Variants in CCDC102B observed in about 807,000 individuals in gnomAD.
CCDC102B encodes the protein coiled-coil domain containing 102B.
CCDC102B carries 75 observed loss-of-function variants against 57.4 expected under a neutral mutation model. The ratio of observed to expected loss-of-function variants is 1.31; its 90% CI spans 1.08 to 1.58. The LOEUF is 1.58. Among genes scored for constraint, CCDC102B ranks in the 40% most tolerant of loss-of-function variants. The pLI is 0.00. For missense variants in CCDC102B, 636 were observed against 582.6 expected (o/e 1.09, Z -0.94); for synonymous variants, 206 against 201.9 (o/e 1.02, Z -0.17).
intron 6 of CCDC102B, among the ~76,000 whole-genome samples, chr18:68,912,751 T>G (rs2040920486): frequency 6.6e-6 from 1 of 152,220 alleles, no homozygotes; most frequent in East Asian, 1.9e-4. Flanking sequence ...ATGCTTATTA[T>G]TTGATTTTGG....
intron 7 of CCDC102B, among the ~76,000 whole-genome samples, chr18:69,049,061 T>C (rs2145492929): frequency 6.6e-6 from 1 of 152,074 alleles, no homozygotes; most frequent in South Asian, 2.1e-4. Flanking sequence ...TTTATTATAC[T>C]TTAAGTTCTG....
chr18:69,054,733 G>A lies in CCDC102B; in HGVS notation c.*596G>A. The A allele has an allele frequency of 1.0e-6, 1 of 985,224 alleles. No homozygotes were observed. Among genetic ancestry groups the A allele is most frequent in the Non-Finnish European group, 1.2e-6 (1 of 829,818 alleles). 61.0% of individuals were successfully genotyped at this position (985,224 alleles called of 1,614,324 possible). A position where few individuals can be genotyped will look rare whatever the true frequency, so the allele number is the denominator to read the frequency against. On this transcript the variant is annotated 3_prime_UTR_variant, in exon 8 of 8. Coordinates refer to ENST00000360242, the MANE Select transcript of CCDC102B (RefSeq NM_024781.3). Reference sequence around the variant, plus strand: ...TATTTTAAAGTAACAGATAACCAGTGATTGAATCTAAGACAGGCTGTAAGC... The same window carrying A: ...TATTTTAAAGTAACAGATAACCAGTAATTGAATCTAAGACAGGCTGTAAGC...
At chr18:68,809,020 T>A (rs1243919457) in intron 1 of CCDC102B, among the ~76,000 whole-genome samples, 2 of 152,206 alleles carry the variant, frequency 1.3e-5, no homozygotes, top group Admixed American at 6.5e-5. Context: ...TAATCATGTG[T>A]TTTAAGAAAA....
chr18:68,765,238 G>A (rs1432955207), intron 2 of CCDC102B, among the ~76,000 whole-genome samples: 1 of 141,952 alleles, frequency 7.0e-6, no homozygotes, highest in Non-Finnish European at 1.5e-5. Context: ...GAAAGAAAGA[G>A]CGAAAAAGAG....
At chr18:69,051,322 C>G (rs2052700438) in intron 7 of CCDC102B, among the ~76,000 whole-genome samples, 1 of 151,770 alleles carries the variant, frequency 6.6e-6, no homozygotes, top group Non-Finnish European at 1.5e-5. Flanking sequence ...AAAATTAAAC[C>G]TCCTAAGAAG....
In CCDC102B at chr18:68,727,274, C is replaced by T. The variant is rs151253283; in HGVS notation, c.-67+10680C>T. Among the ~76,000 whole-genome samples, 1,293 of 152,226 alleles carry T rather than the reference C, an allele frequency of 8.5e-3. 22 individuals carry two copies. The highest frequency in any genetic ancestry group is 0.047 in the East Asian group (242 of 5,174). On this transcript the variant is annotated intron_variant, in intron 2 of 3. Coordinates refer to the CCDC102B transcript ENST00000578970. ...TCTGGCTAAAGCCCATAACCATGGT[C>T]AATAGTGACTTCTGTGTTTTTGGAA...
At chr18:69,037,716 G>C (rs2052332462) in intron 7 of CCDC102B, among the ~76,000 whole-genome samples, 1 of 149,210 alleles carries the variant, frequency 6.7e-6, no homozygotes, top group South Asian at 2.1e-4. Flanking sequence ...TTTGTATAGA[G>C]AAATAGAAAA....
Position 68,765,326 on chromosome 18 carries a change from AAAG to A in CCDC102B, c.-67+48735_-67+48737del, listed in dbSNP as rs1198303624. The stretch of plus-strand genomic sequence containing the variant: ...GAAGGAAGGAAGGAAGGAAGGAAGG[AAAG>A]AAAGAAAGAAAGAAAGAAAGAAAGA... On this transcript the variant is annotated intron_variant, in intron 2 of 3. Transcript: ENST00000578970. Among the ~76,000 whole-genome samples, 41 of 65,394 alleles carry A rather than the reference AAAG, an allele frequency of 6.3e-4. 2 individuals are homozygous for A. The highest frequency in any genetic ancestry group is 4.4e-3 in the South Asian group (8 of 1,812). The allele number at this position is 65,394 out of a possible 152,430, so 42.9% of individuals were successfully genotyped here.
At chr18:68,918,506 A>G (rs1189658046) in intron 6 of CCDC102B, among the ~76,000 whole-genome samples, 1 of 152,192 alleles carries the variant, frequency 6.6e-6, no homozygotes, top group African/African-American at 2.4e-5. Flanking sequence ...ATTAAATGTA[A>G]TTATGGTTAG....
At chr18:68,765,312 GGAAGGAAGGAAGGAAA>G (rs1398589390) in intron 2 of CCDC102B, among the ~76,000 whole-genome samples, 4,439 of 99,902 alleles carry the variant, frequency 0.044, 71 homozygotes, top group East Asian at 0.097. Context: ...AAGGAAGGAA[GGAAGGAAGGAAGGAAA>G]GAAAGAAAGA....
chr18:68,987,537 G>A (rs680907), intron 6 of CCDC102B, among the ~76,000 whole-genome samples: 12,557 of 151,998 alleles, frequency 0.083, 998 homozygotes, highest in African/African-American at 0.2. Context: ...AAATGCAACA[G>A]AAACAAAAAT....
At chr18:68,756,880 GGT>G (rs34070734) in intron 2 of CCDC102B, among the ~76,000 whole-genome samples, 73,954 of 150,052 alleles carry the variant, frequency 0.49, 18,570 homozygotes, top group East Asian at 0.91. Context: ...TGCTATATCT[GGT>G]GTGTGTGTGT....
chr18:68,731,376 G>T lies in CCDC102B; in HGVS notation c.-67+14782G>T, dbSNP rs966007708. Among the ~76,000 whole-genome samples the T allele has an allele frequency of 3.9e-5, 6 of 152,076 alleles. No homozygotes were observed. The South Asian group carries it at 6.2e-4, about 16-fold the overall frequency. On this transcript the variant is annotated intron_variant, in intron 2 of 3. Transcript: ENST00000578970. ...TCTAGTTCCTGTGTCCTTTTGATCT[G>T]ATTCCATTAACCCTTGAATGAAACT...
chr18:68,915,082 T>C (rs1310934324), intron 6 of CCDC102B, among the ~76,000 whole-genome samples: 2 of 152,188 alleles, frequency 1.3e-5, no homozygotes, highest in Non-Finnish European at 2.9e-5. Context: ...TTAAGTGATG[T>C]ATTTTTAAGG....
intron 2 of CCDC102B, among the ~76,000 whole-genome samples, chr18:68,731,322 G>A (rs1173328836): frequency 2.0e-5 from 3 of 152,016 alleles, no homozygotes; most frequent in African/African-American, 4.8e-5. Flanking sequence ...TTCTATTTTC[G>A]ATGCTGAGAT....
chr18:69,009,924 A>ATTTTTTTTTTTTTTGTTT (rs2051458280), intron 6 of CCDC102B, among the ~76,000 whole-genome samples: 1 of 33,514 alleles, frequency 3.0e-5, no homozygotes, highest in Non-Finnish European at 5.8e-5. Context: ...TTTAATAAAG[A>ATTTTTTTTTTTTTTGTTT]TTTTTTTTTT....
At chr18:68,746,985 T>C (rs1205185831) in intron 2 of CCDC102B, among the ~76,000 whole-genome samples, 1 of 152,032 alleles carries the variant, frequency 6.6e-6, no homozygotes, top group East Asian at 1.9e-4. Flanking sequence ...TATGGGGTAC[T>C]GAGTGATATT....
chr18:68,846,508 C>T, intron 4 of CCDC102B, 87 bp downstream of exon 4: 2 of 808,304 alleles, frequency 2.5e-6, no homozygotes, highest in Non-Finnish European at 3.8e-6. Flanking sequence ...AAAGGCACAA[C>T]AGATAAGAGG....
chr18:68,757,786 T>TATGAG lies in CCDC102B; in HGVS notation c.-67+41193_-67+41194insTGAGA, dbSNP rs1420678101. ...TCTTTCAGAAGAATTTGTTATGGTGTAAATTTAATGTTCTGAAGAGGAAGG... is the reference window on the plus strand; with the variant it reads ...TCTTTCAGAAGAATTTGTTATGGTGTATGAGAAATTTAATGTTCTGAAGAGGAAGG... On this transcript the variant is annotated intron_variant, in intron 2 of 3. Transcript: ENST00000578970. 3.9e-5 allele frequency among the ~76,000 whole-genome samples: 6 copies of TATGAG among 152,184 alleles called. No individual in the cohort carries two copies. The East Asian group carries it at 1.2e-3, about 29-fold the overall frequency.
Sources: allele counts gnomAD v4.1 joint callset (sites outside exome capture counted in the v4.1 genomes callset), GRCh38; gene constraint gnomAD v4.1.1; transcripts MANE v1.5; gene names NCBI Gene and HGNC (gene_info 2026-07-23, HGNC 2026-07-21).